The following CHRNA7 variants were observed in gnomAD, a reference collection of about 807,000 sequenced individuals.
The protein encoded by CHRNA7 is cholinergic receptor nicotinic alpha 7 subunit.
CHRNA7 carries 17 observed loss-of-function variants against 48.0 expected under a neutral mutation model. The ratio of observed to expected loss-of-function variants is 0.35; its 90% CI spans 0.24 to 0.53. The LOEUF (loss-of-function observed/expected upper bound fraction) is 0.53. Ranked by LOEUF, CHRNA7 falls within the 20% of genes least tolerant of loss-of-function variation. CHRNA7 has a pLI of 0.92. For synonymous variants in CHRNA7, 75 were observed against 242.3 expected (o/e 0.31, Z 6.41); for missense variants, 155 against 577.7 (o/e 0.27, Z 7.50).
chr15:32,114,063 T>TATATATATATAC (rs2050820587), intron 4 of CHRNA7, among the ~76,000 whole-genome samples: 26 of 113,874 alleles, frequency 2.3e-4, no homozygotes, highest in South Asian at 7.9e-4. Context: ...TATATATACA[T>TATATATATATAC]ATATATATAT....
chr15:32,030,768 A>T, intron 1 of CHRNA7, 119 bp downstream of exon 1: 1 of 1,505,856 alleles, frequency 6.6e-7, no homozygotes, highest in Non-Finnish European at 8.8e-7. Context: ...GGGGAGGGGC[A>T]GCGGGGGCGC....
intron 2 of CHRNA7, among the ~76,000 whole-genome samples, chr15:32,077,684 A>G (rs1378015151): frequency 6.6e-6 from 1 of 152,106 alleles, no homozygotes; most frequent in African/African-American, 2.4e-5. Flanking sequence ...AATGAGTTTT[A>G]TTTGGCTTAC....
intron 2 of CHRNA7, among the ~76,000 whole-genome samples, chr15:32,032,631 C>T (rs991044601): frequency 6.6e-6 from 1 of 152,214 alleles, no homozygotes; most frequent in Non-Finnish European, 1.5e-5. Flanking sequence ...GTAGCCCCCT[C>T]TTCCCCCATT....
chr15:32,156,829 G>C lies in CHRNA7; in HGVS notation c.431-779G>C, dbSNP rs965302375. 72 of 83,346 alleles carry C rather than the reference G, an allele frequency of 8.6e-4. 6 individuals are homozygous for C. Among genetic ancestry groups the C allele is most frequent in the African/African-American group, 2.8e-3 (66 of 23,510 alleles). 5.2% of individuals were successfully genotyped at this position (83,346 alleles called of 1,614,324 possible). On this transcript the variant is annotated intron_variant, in intron 5 of 9. Transcript: ENST00000306901. ...TCCCCAGGCTGGAGTGCAGGGGCTC[G>C]ATCATAGCTCACTTCACTTTAGCCT...
At chr15:32,113,888 G>T (rs1347881617) in intron 4 of CHRNA7, among the ~76,000 whole-genome samples, 1 of 150,620 alleles carries the variant, frequency 6.6e-6, no homozygotes, top group Non-Finnish European at 1.5e-5. Flanking sequence ...AAATTAGCTG[G>T]GCATGGTGAC....
chr15:32,056,604 C>A (rs1008573446), intron 2 of CHRNA7, among the ~76,000 whole-genome samples: 5 of 152,122 alleles, frequency 3.3e-5, no homozygotes, highest in Non-Finnish European at 5.9e-5. Flanking sequence ...GTTGACATCA[C>A]ACACATTATT....
chr15:32,035,233 T>C (rs1902027275), intron 2 of CHRNA7, among the ~76,000 whole-genome samples: 1 of 152,228 alleles, frequency 6.6e-6, no homozygotes, highest in Non-Finnish European at 1.5e-5. Flanking sequence ...GAGGTTCTAA[T>C]CTGCCAAGTT....
chr15:32,069,008 C>T (rs1390068645), intron 2 of CHRNA7, among the ~76,000 whole-genome samples: 1 of 152,098 alleles, frequency 6.6e-6, no homozygotes, highest in African/African-American at 2.4e-5. Flanking sequence ...AGCTAATGGA[C>T]ACCTTTTTTG....
intron 4 of CHRNA7, among the ~76,000 whole-genome samples, chr15:32,136,543 C>G (rs1029768634): frequency 4.6e-5 from 7 of 150,794 alleles, no homozygotes; most frequent in African/African-American, 1.7e-4. Flanking sequence ...GAAAATATAG[C>G]ATGAAATAGT....
intron 4 of CHRNA7, among the ~76,000 whole-genome samples, chr15:32,123,593 C>G (rs1595473587): frequency 1.3e-5 from 2 of 152,214 alleles, no homozygotes; most frequent in Middle Eastern, 6.8e-3. Flanking sequence ...TGGGAGCGAG[C>G]CTGGCATAAA....
intron 2 of CHRNA7, among the ~76,000 whole-genome samples, chr15:32,074,723 C>A (rs1487481333): frequency 6.6e-6 from 1 of 151,520 alleles, no homozygotes; most frequent in African/African-American, 2.4e-5. Flanking sequence ...GGCATGATCT[C>A]GGCTCACTGC....
chr15:32,153,234 C>A, intron 4 of CHRNA7, among the ~76,000 whole-genome samples: 1 of 151,870 alleles, frequency 6.6e-6, no homozygotes, highest in East Asian at 1.9e-4. Flanking sequence ...TCCCGGCTAA[C>A]ATAGTGAAAC....
In CHRNA7 at chr15:32,168,772, C is replaced by CG; in HGVS notation, c.*314_*315insG. 10 of 32,686 alleles carry CG rather than the reference C, an allele frequency of 3.1e-4. No homozygotes were observed. Among genetic ancestry groups the CG allele is most frequent in the Middle Eastern group, 5.7e-3 (1 of 174 alleles). The allele number at this position is 32,686 out of a possible 1,614,324, so 2.0% of individuals were successfully genotyped here. On this transcript the variant is annotated 3_prime_UTR_variant, in exon 10 of 10. Transcript: ENST00000306901. ...CTTCGGAGAGCTCCCCATGGCTCCT[C>CG]ACCACCGAGACAGTTGGTTTTGCAT...
chr15:32,039,140 C>A (rs1203818576), intron 2 of CHRNA7, among the ~76,000 whole-genome samples: 1 of 151,840 alleles, frequency 6.6e-6, no homozygotes, highest in African/African-American at 2.4e-5. Context: ...TATTTTTGTC[C>A]TTTCTCATTT....
intron 4 of CHRNA7, among the ~76,000 whole-genome samples, chr15:32,123,105 C>A (rs2051002452): frequency 6.6e-6 from 1 of 152,038 alleles, no homozygotes; most frequent in Non-Finnish European, 1.5e-5. Flanking sequence ...AAGAGGCAAA[C>A]CTGGAATATA....
At chr15:32,076,704 A>G (rs768838258) in intron 2 of CHRNA7, among the ~76,000 whole-genome samples, 1 of 152,184 alleles carries the variant, frequency 6.6e-6, no homozygotes, top group Admixed American at 6.6e-5. Flanking sequence ...CCCCACATGC[A>G]TAATCTCTCT....
rs56884132 is a variant in CHRNA7, at chr15:32,138,731, ATGTTTTGTTT to A, written c.351-15145_351-15136del. On this transcript the variant is annotated intron_variant, in intron 4 of 9. Transcript: ENST00000306901. ...AATCCATGGCAGCCATTGACCTGTT[ATGTTTTGTTT>A]TGTTTTGTTTTGTTTTGTTTTGTTT... Among the ~76,000 whole-genome samples, 540 of 146,216 alleles carry A rather than the reference ATGTTTTGTTT, an allele frequency of 3.7e-3. 3 individuals are homozygous for A. The highest frequency in any genetic ancestry group is 0.013 in the African/African-American group (498 of 39,336).
At chr15:32,038,649 G>A (rs1165599407) in intron 2 of CHRNA7, among the ~76,000 whole-genome samples, 5 of 152,192 alleles carry the variant, frequency 3.3e-5, no homozygotes, top group Non-Finnish European at 5.9e-5. Flanking sequence ...GATTGGAGGC[G>A]TGAGCCACCA....
intron 2 of CHRNA7, among the ~76,000 whole-genome samples, chr15:32,093,052 C>T (rs2050408620): frequency 6.6e-6 from 1 of 152,152 alleles, no homozygotes; most frequent in Non-Finnish European, 1.5e-5. Context: ...CAAGGAAATT[C>T]CTGAAAACTG....
Sources: allele counts gnomAD v4.1 joint callset (sites outside exome capture counted in the v4.1 genomes callset), GRCh38; gene constraint gnomAD v4.1.1; transcripts MANE v1.5; gene names NCBI Gene and HGNC (gene_info 2026-07-23, HGNC 2026-07-21).